The following TAFA5 variants were observed in gnomAD, a reference collection of about 807,000 sequenced individuals.
The protein encoded by TAFA5 is chemokine-like protein TAFA-5.
Under a neutral mutation model 15.3 loss-of-function variants are expected in TAFA5, and 6 were observed. The ratio of observed to expected loss-of-function variants is 0.39; its 90% CI spans 0.21 to 0.77. TAFA5 has a LOEUF of 0.77. TAFA5 is among the 30% of genes least tolerant of loss of function. The pLI is 0.41. For synonymous variants in TAFA5, 103 were observed against 80.7 expected, an observed-to-expected ratio of 1.28 and a Z score of -1.48; for missense variants, 161 against 193.1, an observed-to-expected ratio of 0.83 and a Z score of 0.98.
At position 48,742,132 on chromosome 22, in the gene TAFA5, C is replaced by T. The variant is rs951655629; in HGVS notation, c.391-7707C>T. ...AGGCTCTGGAGGGGTCTGGCTGCACCGGCTCCCCTGCCCAACCCCACAGGC... is the reference window on the plus strand; with the variant it reads ...AGGCTCTGGAGGGGTCTGGCTGCACTGGCTCCCCTGCCCAACCCCACAGGC... On this transcript the variant is annotated intron_variant, in intron 3 of 3. Transcript: ENST00000402357. The surrounding 1 kb of genome is among the most constrained non-coding windows in gnomAD (Gnocchi z 6.2). 2.0e-5 allele frequency among the ~76,000 whole-genome samples: 3 copies of T among 151,712 alleles called. No homozygotes were observed. Among genetic ancestry groups the T allele is most frequent in the Admixed American group, 6.6e-5 (1 of 15,228 alleles).
chr22:48,552,809 C>T lies in TAFA5; in HGVS notation c.112+63105C>T, dbSNP rs1160824232. On this transcript the variant is annotated intron_variant, in intron 1 of 3. Coordinates refer to ENST00000402357, the MANE Select transcript of TAFA5 (RefSeq NM_001082967.3). The surrounding 1 kb of genome is among the most constrained non-coding windows in gnomAD (Gnocchi z 4.1). ...AAGAGGAGGGGCAGCTGGGATTGCA[C>T]CTATATGGGGCTTCCAGGGCTCACC... Among the ~76,000 whole-genome samples, 1 of 152,096 alleles carries T rather than the reference C, an allele frequency of 6.6e-6. No individual in the cohort carries two copies. The highest frequency in any genetic ancestry group is 1.5e-5 in the Non-Finnish European group (1 of 68,004).
chr22:48,561,250 A>G (rs1923220083), intron 1 of TAFA5, among the ~76,000 whole-genome samples: 1 of 152,160 alleles, frequency 6.6e-6, no homozygotes, highest in East Asian at 1.9e-4. Context: ...CAGCCCAAGG[A>G]AAGTCCTTTC....
intron 3 of TAFA5, among the ~76,000 whole-genome samples, chr22:48,709,813 G>T (rs1400802727): frequency 6.6e-6 from 1 of 152,238 alleles, no homozygotes; most frequent in East Asian, 1.9e-4. Flanking sequence ...TCACTTGGAT[G>T]CAGGCAGCCC....
intron 1 of TAFA5, among the ~76,000 whole-genome samples, chr22:48,605,733 T>C (rs73427938): frequency 0.16 from 24,890 of 152,130 alleles, 2,560 homozygotes; most frequent in African/African-American, 0.29. Flanking sequence ...AAATTGGGGC[T>C]TTGCCCCTCT....
chr22:48,677,422 G>A (rs544020699), intron 2 of TAFA5, among the ~76,000 whole-genome samples: 1 of 152,362 alleles, frequency 6.6e-6, no homozygotes, highest in African/African-American at 2.4e-5. Context: ...GATTGCAGAA[G>A]GGACATGTAT....
At chr22:48,719,741 G>A (rs1284102854) in intron 3 of TAFA5, among the ~76,000 whole-genome samples, 1 of 152,228 alleles carries the variant, frequency 6.6e-6, no homozygotes, top group Non-Finnish European at 1.5e-5. Flanking sequence ...TCTGCTCCCT[G>A]TCTGCAATCC....
At chr22:48,731,623 G>A (rs73441807) in intron 3 of TAFA5, among the ~76,000 whole-genome samples, 5 of 152,198 alleles carry the variant, frequency 3.3e-5, no homozygotes, top group African/African-American at 4.8e-5. Flanking sequence ...TCCATACAAC[G>A]TACAACACGG....
intron 1 of TAFA5, among the ~76,000 whole-genome samples, chr22:48,582,169 T>A (rs1461463783): frequency 1.3e-5 from 2 of 151,962 alleles, no homozygotes; most frequent in African/African-American, 2.4e-5. Flanking sequence ...AGACACGCAC[T>A]GCGGTGCCCC....
intron 2 of TAFA5, among the ~76,000 whole-genome samples, chr22:48,674,995 G>A (rs1425738826): frequency 1.3e-5 from 2 of 151,150 alleles, no homozygotes; most frequent in African/African-American, 2.4e-5. Flanking sequence ...GGCTTGGAGT[G>A]CAGTGGCGCG....
intron 2 of TAFA5, among the ~76,000 whole-genome samples, chr22:48,687,448 T>TG (rs373097416): frequency 5.6e-3 from 207 of 37,270 alleles, no homozygotes; most frequent in African/African-American, 0.018. Flanking sequence ...GTGGCAGGGG[T>TG]GGGGGGGCAT....
intron 3 of TAFA5, among the ~76,000 whole-genome samples, chr22:48,708,465 G>A (rs1297604912): frequency 6.6e-6 from 1 of 152,198 alleles, no homozygotes; most frequent in Non-Finnish European, 1.5e-5. Context: ...CTTGGGGAAC[G>A]CCGGGTGGAC....
chr22:48,615,326 C>T (rs528306404), intron 1 of TAFA5, among the ~76,000 whole-genome samples: 1 of 152,344 alleles, frequency 6.6e-6, no homozygotes, highest in Admixed American at 6.5e-5. Flanking sequence ...CTCGGTCCGA[C>T]GAGCTTGTCC....
At chr22:48,668,924 G>A (rs1265153143) in intron 2 of TAFA5, among the ~76,000 whole-genome samples, 3 of 152,268 alleles carry the variant, frequency 2.0e-5, no homozygotes, top group African/African-American at 7.2e-5. Context: ...GTCTGAACGG[G>A]CATTGCCATG....
At chr22:48,606,191 C>T (rs913621029) in intron 1 of TAFA5, among the ~76,000 whole-genome samples, 1 of 152,204 alleles carries the variant, frequency 6.6e-6, no homozygotes, top group Admixed American at 6.5e-5. Flanking sequence ...GTACCAAACC[C>T]TGGGACCCCA....
At chr22:48,662,555 C>T (rs559214647) in intron 2 of TAFA5, among the ~76,000 whole-genome samples, 16 of 152,158 alleles carry the variant, frequency 1.1e-4, no homozygotes, top group African/African-American at 3.1e-4. Context: ...CAGAGCTGAA[C>T]CCAGGCCTGG....
At chr22:48,617,472 C>T (rs953621978) in intron 1 of TAFA5, among the ~76,000 whole-genome samples, 6 of 152,172 alleles carry the variant, frequency 3.9e-5, no homozygotes, top group African/African-American at 4.8e-5. Flanking sequence ...TGAGGCCATT[C>T]GTTACTGCAG....
intron 1 of TAFA5, among the ~76,000 whole-genome samples, chr22:48,535,934 C>G (rs1922145231): frequency 6.6e-6 from 1 of 152,266 alleles, no homozygotes; most frequent in Non-Finnish European, 1.5e-5. Context: ...TGTGAGCACA[C>G]TGCACACACA....
intron 1 of TAFA5, among the ~76,000 whole-genome samples, chr22:48,537,310 C>A (rs899427974): frequency 1.3e-5 from 2 of 152,204 alleles, no homozygotes; most frequent in African/African-American, 4.8e-5. Flanking sequence ...GGTGCATTTC[C>A]AGGCAAGATC....
rs149341707 is a variant in TAFA5, at chr22:48,710,236, C to A, written c.390+2392C>A. On this transcript the variant is annotated intron_variant, in intron 3 of 3. Coordinates refer to ENST00000402357, the MANE Select transcript of TAFA5 (RefSeq NM_001082967.3). The stretch of plus-strand genomic sequence containing the variant: ...AATTAAAGTGACCAGTGAAGCCCCC[C>A]GTATGCAGGGCGCACACTGGTAAGT... 3.6e-3 allele frequency among the ~76,000 whole-genome samples: 544 copies of A among 152,294 alleles called. 6 individuals carry two copies. Among genetic ancestry groups the A allele is most frequent in the African/African-American group, 0.013 (520 of 41,566 alleles).
Sources: gnomAD v4.1 joint callset for allele counts (sites outside exome capture counted in the v4.1 genomes callset) on GRCh38, gnomAD v4.1.1 for gene constraint, Gnocchi (gnomAD v3.1) non-coding constraint, MANE v1.5 for transcripts, NCBI Gene and HGNC (gene_info 2026-07-23, HGNC 2026-07-21) for gene names.